DDX25: variants seen among roughly 807,000 people sequenced by gnomAD.
DDX25 encodes the protein DEAD-box helicase 25.
DDX25 carries 70 observed loss-of-function variants against 64.6 expected under a neutral mutation model. The observed-to-expected ratio is 1.08, with a 90% CI of 0.89 to 1.32. The LOEUF is 1.32. Among genes scored for constraint, DDX25 ranks in the 40% most tolerant of loss-of-function variants. The pLI is 0.00. For synonymous variants in DDX25, 211 were observed against 213.3 expected, an observed-to-expected ratio of 0.99 and a Z score of 0.09; for missense variants, 587 against 604.4, an observed-to-expected ratio of 0.97 and a Z score of 0.30.
chr11:125,908,479 T>G lies in DDX25; in HGVS notation c.483T>G (p.Val161=). 2 of 1,613,728 alleles carry G rather than the reference T, an allele frequency of 1.2e-6. No homozygotes were observed. Among genetic ancestry groups the G allele is most frequent in the Non-Finnish European group, 1.7e-6 (2 of 1,179,892 alleles). ...TTGTGTTGGCAATGTTAAGCAGAGT[T>G]AATGCCTTGGAATTGTTCCCACAGG... ...AAFVLAMLSR[V]NALELFPQCL... The change falls in exon 6 of 12, where the codon GTT becomes GTG. Residue 161 remains valine (V), a synonymous_variant. Transcript: ENST00000263576.
Position 125,910,347 on chromosome 11 carries a change from C to A in DDX25, c.508-17C>A. ...GTAAGAACCTTTCTCCTCCCCTCTT[C>A]TCTCTCTATCCCACAGTGCCTCTGC... On this transcript the variant is annotated splice_polypyrimidine_tract_variant and intron_variant, in intron 6 of 11. Transcript: ENST00000263576. 6.2e-7 allele frequency: 1 copy of A among 1,609,402 alleles called. No individual in the cohort carries two copies. The highest frequency in any genetic ancestry group is 8.5e-7 in the Non-Finnish European group (1 of 1,176,092).
chr11:125,906,683 G>T (rs961095460), intron 4 of DDX25, among the ~76,000 whole-genome samples: 2 of 151,650 alleles, frequency 1.3e-5, no homozygotes, highest in Non-Finnish European at 1.5e-5. Context: ...AAAAGTAGCC[G>T]GGCATGGTGG....
Position 125,921,418 on chromosome 11 carries a change from GC to G in DDX25, c.1390+41del. On this transcript the variant is annotated intron_variant, in intron 11 of 11. Transcript: ENST00000263576. This position sits in a 1 kb window ranked among gnomAD's most constrained non-coding sequence, Gnocchi z 4.1. The stretch of plus-strand genomic sequence containing the variant: ...CCCTCACAATATGAACTACAGACCT[GC>G]CGGTCTGACAGTGATGATGTGTGCT... 2.5e-6 allele frequency: 4 copies of G among 1,595,688 alleles called. No individual in the cohort carries two copies. The highest frequency in any genetic ancestry group is 1.7e-4 in the Middle Eastern group (1 of 5,968).
chr11:125,923,125 ATG>A lies in DDX25; in HGVS notation c.*246_*247del, dbSNP rs1945134836. The A allele has an allele frequency of 2.1e-6, 1 of 466,306 alleles. No individual in the cohort carries two copies. The highest frequency in any genetic ancestry group is 3.8e-6 in the Non-Finnish European group (1 of 260,962). The allele number at this position is 466,306 out of a possible 1,614,324, so 28.9% of individuals were successfully genotyped here. On this transcript the variant is annotated 3_prime_UTR_variant, in exon 12 of 12. Coordinates refer to ENST00000263576, the MANE Select transcript of DDX25 (RefSeq NM_013264.5). ...TCTTATTCTAATCTTTGTACAGGTA[ATG>A]TCTCAATGTGGGCTATGGGGGTGTT...
At chr11:125,904,784 G>C in intron 1 of DDX25, 1 of 656,842 alleles carries the variant, frequency 1.5e-6, no homozygotes, top group Non-Finnish European at 2.6e-6. Flanking sequence ...CCTTTGGTTA[G>C]AAAGGGCAAA....
At chr11:125,922,095 A>G (rs1945123120) in intron 11 of DDX25, 1 of 152,110 alleles carries the variant, frequency 6.6e-6, no homozygotes, top group South Asian at 2.1e-4. Context: ...CACCCTCCCA[A>G]ACAGGAAAGT....
chr11:125,914,281 T>C (rs1945007264), intron 8 of DDX25, among the ~76,000 whole-genome samples: 1 of 152,234 alleles, frequency 6.6e-6, no homozygotes, highest in Non-Finnish European at 1.5e-5. Context: ...TGGGAAGTCC[T>C]ACTGTGTGAC....
At chr11:125,904,438 A>G (rs1396658945), upstream of DDX25, 1 of 1,303,820 alleles carries the variant, frequency 7.7e-7, no homozygotes, top group African/African-American at 1.6e-5. Context: ...AAGGAAGCCC[A>G]TTGGCCAGCG....
intron 6 of DDX25, among the ~76,000 whole-genome samples, chr11:125,909,580 T>TA (rs1944938324): frequency 6.6e-6 from 1 of 151,902 alleles, no homozygotes; most frequent in Non-Finnish European, 1.5e-5. Flanking sequence ...ATATATCATA[T>TA]TATGTATTGT....
rs761359108 is a variant in DDX25 at position 125,911,477 on chromosome 11, T to C, written c.789T>C (p.Ile263=). ...IDTQGFSDHS[I]RIQRALPSEC... is the part of the protein sequence containing the mutation. ...CTCAAGGATTCTCAGATCATAGTAT[T>C]CGTATTCAAAGGTAATCTTCAGAGT... Residue 263 remains isoleucine, a synonymous_variant, in exon 8 of 12, where the codon ATT becomes ATC. Coordinates refer to ENST00000263576, the MANE Select transcript of DDX25 (RefSeq NM_013264.5). 17 of 1,613,820 alleles carry C rather than the reference T, an allele frequency of 1.1e-5. No individual in the cohort carries two copies. Among genetic ancestry groups the C allele is most frequent in the Non-Finnish European group, 1.4e-5 (17 of 1,179,814 alleles).
At chr11:125,903,630 C>A (rs1209405211), upstream of DDX25, among the ~76,000 whole-genome samples, 1 of 151,072 alleles carries the variant, frequency 6.6e-6, no homozygotes, top group Non-Finnish European at 1.5e-5. Flanking sequence ...CCGAACAGAG[C>A]GGGGAGCGTT....
rs1276120771 is a variant in DDX25 at position 125,904,522 on chromosome 11, C to T, written c.5C>T (p.Ala2Val). The T allele has an allele frequency of 3.4e-6, 5 of 1,490,658 alleles. No individual in the cohort carries two copies. The highest frequency in any genetic ancestry group is 2.6e-5 in the East Asian group (1 of 38,392). 92.3% of individuals were successfully genotyped at this position (1,490,658 alleles called of 1,614,324 possible). M[A>V]SLLWGGDAGA... The stretch of plus-strand genomic sequence containing the variant: ...GCGGGAGCAGCAATCGCAGCCATGG[C>T]GTCGTTACTGTGGGGAGGCGACGCA... Residue 2 changes from alanine (A) to valine (V), a missense_variant, in exon 1 of 12, where the codon GCG becomes GTG. Ala to Val is a moderately conservative substitution (Grantham distance 64). Coordinates refer to ENST00000263576, the MANE Select transcript of DDX25 (RefSeq NM_013264.5).
chr11:125,911,965 A>C (rs1366704784), intron 8 of DDX25, among the ~76,000 whole-genome samples: 1 of 152,236 alleles, frequency 6.6e-6, no homozygotes, highest in Non-Finnish European at 1.5e-5. Flanking sequence ...TGAGGGATTT[A>C]AAACTACAGA....
At chr11:125,904,718 G>T (rs1015994243) in intron 1 of DDX25, 138 bp downstream of exon 1, 1 of 1,087,304 alleles carries the variant, frequency 9.2e-7, no homozygotes, top group Admixed American at 2.2e-5. Context: ...ATGCGGGAAG[G>T]GTTTGGAAGA....
chr11:125,923,507 C>A lies in DDX25; in HGVS notation c.*626C>A, dbSNP rs1340798129. On this transcript the variant is annotated 3_prime_UTR_variant, in exon 12 of 12. Coordinates refer to ENST00000263576, the MANE Select transcript of DDX25 (RefSeq NM_013264.5). ...CTTCTCTTCAAATTAAAGATTTACT[C>A]CCTCATCAGTTATTTCATAGTCTCT... 6.6e-6 allele frequency: 1 copy of A among 152,006 alleles called. No individual in the cohort carries two copies. Among genetic ancestry groups the A allele is most frequent in the Non-Finnish European group, 1.5e-5 (1 of 68,010 alleles). The allele number at this position is 152,006 out of a possible 1,614,324, so 9.4% of individuals were successfully genotyped here. A position where few individuals can be genotyped will look rare whatever the true frequency, so the allele number is the denominator to read the frequency against.
chr11:125,909,368 TG>T (rs1234475738), intron 6 of DDX25, among the ~76,000 whole-genome samples: 1 of 152,202 alleles, frequency 6.6e-6, no homozygotes, highest in Non-Finnish European at 1.5e-5. Context: ...GAGCACATTT[TG>T]AAAAATGTGT....
At chr11:125,911,669 G>C (rs979114613) in intron 8 of DDX25, among the ~76,000 whole-genome samples, 181 bp downstream of exon 8, 10 of 152,128 alleles carry the variant, frequency 6.6e-5, no homozygotes, top group African/African-American at 2.4e-5. Flanking sequence ...TAGTTTTCCA[G>C]CTTCTTCAGT....
At chr11:125,918,858 C>T in intron 10 of DDX25, 68 bp downstream of exon 10, 1 of 1,471,732 alleles carries the variant, frequency 6.8e-7, no homozygotes, top group Non-Finnish European at 9.1e-7. Flanking sequence ...TTTAAGTGTA[C>T]AGTTTCGCGA....
At chr11:125,913,940 A>G (rs112049322) in intron 8 of DDX25, among the ~76,000 whole-genome samples, 117 of 152,284 alleles carry the variant, frequency 7.7e-4, no homozygotes, top group African/African-American at 9.1e-4. Context: ...TCCATTTGTC[A>G]TTAAAATAAC....
Sources: gnomAD v4.1 joint callset for allele counts (sites outside exome capture counted in the v4.1 genomes callset) on GRCh38, gnomAD v4.1.1 for gene constraint, Gnocchi (gnomAD v3.1) non-coding constraint, MANE v1.5 for transcripts, NCBI Gene and HGNC (gene_info 2026-07-23, HGNC 2026-07-21) for gene names.